The following MYO3B variants were observed in gnomAD, a reference collection of about 807,000 sequenced individuals.
MYO3B encodes the protein myosin IIIB, also known as myosin-IIIb.
In MYO3B, 156 loss-of-function variants were observed where a neutral mutation model predicts 174.6. The ratio of observed to expected loss-of-function variants is 0.89; its 90% CI spans 0.78 to 1.02. MYO3B has a LOEUF of 1.02. MYO3B is among the 50% of genes least tolerant of loss of function. The pLI is 0.00. For synonymous variants in MYO3B, 563 were observed against 569.1 expected, an observed-to-expected ratio of 0.99 and a Z score of 0.15; for missense variants, 1,632 against 1,639.4, an observed-to-expected ratio of 1.00 and a Z score of 0.08.
At position 170,362,371 on chromosome 2, in the gene MYO3B, G is replaced by A. The variant is rs542289572; in HGVS notation, c.816-6851G>A. ...CACTTGAGCTTACTGTGGACCTTTG[G>A]TGCTGACAGCTTTGTCTAAAGATCA... On this transcript the variant is annotated intron_variant, in intron 8 of 34. Coordinates refer to ENST00000408978, the MANE Select transcript of MYO3B (RefSeq NM_138995.5). 3.3e-5 allele frequency among the ~76,000 whole-genome samples: 5 copies of A among 152,138 alleles called. No homozygotes were observed. The East Asian group carries it at 9.7e-4, about 29-fold the overall frequency.
intron 18 of MYO3B, among the ~76,000 whole-genome samples, 185 bp downstream of exon 18, chr2:170,401,876 C>T (rs2094479647): frequency 6.6e-6 from 1 of 150,438 alleles, no homozygotes; most frequent in South Asian, 2.1e-4. Flanking sequence ...GATCTCCGCT[C>T]ACTGCAACCT....
intron 25 of MYO3B, among the ~76,000 whole-genome samples, chr2:170,475,426 T>C (rs1462390595): frequency 2.0e-5 from 3 of 152,174 alleles, no homozygotes; most frequent in African/African-American, 7.2e-5. Context: ...AATTTTTTAA[T>C]TTTTTGTAGG....
chr2:170,279,741 G>C (rs190879990), intron 7 of MYO3B, among the ~76,000 whole-genome samples: 1 of 152,184 alleles, frequency 6.6e-6, no homozygotes. Flanking sequence ...TCCTGTGTTA[G>C]TTTGCTAGAA....
chr2:170,382,279 T>C (rs553921341), intron 10 of MYO3B, 167 bp downstream of exon 10: 52 of 523,802 alleles, frequency 9.9e-5, no homozygotes, highest in Admixed American at 1.7e-4. Flanking sequence ...ACTATGATCC[T>C]GTGCTGTGTT....
intron 7 of MYO3B, among the ~76,000 whole-genome samples, chr2:170,326,273 C>G (rs1474237212): frequency 6.6e-6 from 1 of 151,936 alleles, no homozygotes; most frequent in Non-Finnish European, 1.5e-5. Context: ...GATGGAAAAG[C>G]ATTTAGAGAA....
chr2:170,442,347 T>G (rs939711004), intron 22 of MYO3B, among the ~76,000 whole-genome samples: 1 of 152,222 alleles, frequency 6.6e-6, no homozygotes. Context: ...TTATGGTTTT[T>G]ATTTCTACTT....
At chr2:170,481,162 C>T (rs1685663910) in intron 25 of MYO3B, among the ~76,000 whole-genome samples, 1 of 152,266 alleles carries the variant, frequency 6.6e-6, no homozygotes, top group East Asian at 1.9e-4. Flanking sequence ...AATAAGAAAA[C>T]ACAAATCCTC....
chr2:170,545,192 G>A lies in MYO3B; in HGVS notation c.3733+1204G>A, dbSNP rs540283990. On this transcript the variant is annotated intron_variant, in intron 32 of 34. Coordinates refer to ENST00000408978, the MANE Select transcript of MYO3B (RefSeq NM_138995.5). ...TCCTAAAAACAAAACTTTGAAGTAC[G>A]GTTGAATAGCTAAACCATACTGACA... 7.8e-4 allele frequency among the ~76,000 whole-genome samples: 118 copies of A among 152,188 alleles called. 1 individual carries two copies. Among genetic ancestry groups the A allele is most frequent in the African/African-American group, 2.8e-3 (115 of 41,528 alleles).
In MYO3B at chr2:170,467,538, A is replaced by C. The variant is rs557963170; in HGVS notation, c.3014+827A>C. On this transcript the variant is annotated intron_variant, in intron 25 of 34. Transcript: ENST00000408978. ...ATAAGGAAAACAGTAACAAAAAAAA[A>C]ACACCCCTGAGAAGCACTGCTGTCT... Among the ~76,000 whole-genome samples, 11 of 152,240 alleles carry C rather than the reference A, an allele frequency of 7.2e-5. No homozygotes were observed. The South Asian group carries it at 1.5e-3, about 20-fold the overall frequency.
At chr2:170,441,436 G>T (rs924040900) in intron 22 of MYO3B, among the ~76,000 whole-genome samples, 2 of 152,236 alleles carry the variant, frequency 1.3e-5, no homozygotes, top group Non-Finnish European at 2.9e-5. Context: ...GATCCCAAGA[G>T]AGGGTTCCTG....
At chr2:170,400,053 G>A in intron 16 of MYO3B, 135 bp from the exon 17 acceptor site, 4 of 1,166,390 alleles carry the variant, frequency 3.4e-6, no homozygotes, top group Non-Finnish European at 4.9e-6. Flanking sequence ...AGAAGTTTGG[G>A]AAATTTTGCT....
intron 23 of MYO3B, among the ~76,000 whole-genome samples, chr2:170,455,734 G>A (rs1345619018): frequency 6.6e-6 from 1 of 152,144 alleles, no homozygotes; most frequent in Non-Finnish European, 1.5e-5. Context: ...TGTAGGGACT[G>A]TAACACAATT....
At chr2:170,273,335 A>C (rs577687510) in intron 7 of MYO3B, among the ~76,000 whole-genome samples, 7 of 152,074 alleles carry the variant, frequency 4.6e-5, no homozygotes, top group Non-Finnish European at 7.4e-5. Context: ...GAATGCTGAG[A>C]CCCTGGGTCC....
chr2:170,448,403 G>A (rs1683382391), intron 23 of MYO3B, among the ~76,000 whole-genome samples: 1 of 152,080 alleles, frequency 6.6e-6, no homozygotes, highest in Non-Finnish European at 1.5e-5. Flanking sequence ...CTTCAGATGT[G>A]GGCTATGAAG....
intron 7 of MYO3B, among the ~76,000 whole-genome samples, chr2:170,278,616 C>T (rs532411952): frequency 1.9e-4 from 29 of 152,120 alleles, no homozygotes; most frequent in Admixed American, 8.5e-4. Flanking sequence ...TGAGAACATT[C>T]GAGTCCTCAT....
At chr2:170,389,180 A>G (rs1172061995) in intron 14 of MYO3B, among the ~76,000 whole-genome samples, 2 of 152,234 alleles carry the variant, frequency 1.3e-5, no homozygotes, top group African/African-American at 2.4e-5. Context: ...CAAGGCTGTT[A>G]TGAGAATTAA....
At chr2:170,543,619 A>G (rs1428419707) in intron 31 of MYO3B, among the ~76,000 whole-genome samples, 3 of 152,158 alleles carry the variant, frequency 2.0e-5, no homozygotes, top group Non-Finnish European at 2.9e-5. Context: ...TATATTCTGG[A>G]CTATAATTAA....
chr2:170,533,961 A>G (rs1360767550), intron 30 of MYO3B, among the ~76,000 whole-genome samples: 1 of 152,214 alleles, frequency 6.6e-6, no homozygotes, highest in Non-Finnish European at 1.5e-5. Flanking sequence ...TAAAAATGCA[A>G]GATACCCACT....
intron 32 of MYO3B, among the ~76,000 whole-genome samples, chr2:170,606,642 G>A (rs1694823872): frequency 6.6e-6 from 1 of 152,178 alleles, no homozygotes; most frequent in Admixed American, 6.5e-5. Flanking sequence ...GAGGACATTC[G>A]ATCAATGATG....
Sources: gnomAD v4.1 joint callset for allele counts (sites outside exome capture counted in the v4.1 genomes callset) on GRCh38, gnomAD v4.1.1 for gene constraint, MANE v1.5 for transcripts, NCBI Gene and HGNC (gene_info 2026-07-23, HGNC 2026-07-21) for gene names.